CPE: variants seen among roughly 807,000 people sequenced by gnomAD.
The protein encoded by CPE is carbocypeptidase E.
Under a neutral mutation model 53.5 loss-of-function variants are expected in CPE, and 17 were observed. That is an observed-to-expected ratio of 0.32 (90% CI 0.22 to 0.48). CPE has a LOEUF of 0.48. CPE is among the 20% of genes least tolerant of loss of function. The pLI is 0.99. For missense variants in CPE, 524 were observed against 614.7 expected (o/e 0.85, Z 1.56); for synonymous variants, 226 against 228.8 (o/e 0.99, Z 0.11).
At chr4:165,389,765 C>T (rs1279190714) in intron 1 of CPE, among the ~76,000 whole-genome samples, 1 of 152,214 alleles carries the variant, frequency 6.6e-6, no homozygotes, top group Non-Finnish European at 1.5e-5. Context: ...GTCCAAACAT[C>T]TAGTGAAAAT....
At chr4:165,407,394 G>T (rs1175273767) in intron 1 of CPE, among the ~76,000 whole-genome samples, 1 of 151,628 alleles carries the variant, frequency 6.6e-6, no homozygotes, top group Non-Finnish European at 1.5e-5. Context: ...CTTCTTTGGA[G>T]AAACTTCCAT....
chr4:165,490,629 CAAAAAAA>C (rs36034365), intron 6 of CPE, among the ~76,000 whole-genome samples: 5 of 41,010 alleles, frequency 1.2e-4, no homozygotes, highest in African/African-American at 2.6e-4. Context: ...GACTCCGTCT[CAAAAAAA>C]AAAAAAAAAA....
At chr4:165,435,991 C>T (rs936505969) in intron 1 of CPE, among the ~76,000 whole-genome samples, 4 of 152,108 alleles carry the variant, frequency 2.6e-5, no homozygotes, top group African/African-American at 9.7e-5. Context: ...TCTTGGTTCT[C>T]TTCCTACCTC....
rs78373623 is a variant in CPE, at chr4:165,428,753, A to G, written c.308-35637A>G. ...CCTTGACTTGTGGCTACATCACTCC[A>G]ATTTCTGCCTTTGTGGACACATTGT... On this transcript the variant is annotated intron_variant, in intron 1 of 8. Transcript: ENST00000402744. 7.2e-3 allele frequency among the ~76,000 whole-genome samples: 1,093 copies of G among 152,216 alleles called. 18 individuals carry two copies. The highest frequency in any genetic ancestry group is 0.025 in the African/African-American group (1,058 of 41,550).
At chr4:165,384,679 C>T (rs1271095685) in intron 1 of CPE, among the ~76,000 whole-genome samples, 1 of 152,154 alleles carries the variant, frequency 6.6e-6, no homozygotes, top group East Asian at 1.9e-4. Context: ...TGTTACACTT[C>T]CATTAGCCCA....
intron 3 of CPE, among the ~76,000 whole-genome samples, chr4:165,481,313 G>A (rs1732407941): frequency 1.3e-5 from 2 of 152,092 alleles, no homozygotes; most frequent in South Asian, 2.1e-4. Flanking sequence ...GAATGTTGAA[G>A]TGCAGTAAAA....
intron 1 of CPE, among the ~76,000 whole-genome samples, chr4:165,384,536 A>G (rs1446584782): frequency 6.6e-6 from 1 of 152,198 alleles, no homozygotes; most frequent in Non-Finnish European, 1.5e-5. Context: ...AGGGCGCTTG[A>G]GCCCAGGAAT....
At chr4:165,404,014 ACT>A (rs1232259872) in intron 1 of CPE, 1 of 761,902 alleles carries the variant, frequency 1.3e-6, no homozygotes. Flanking sequence ...GAGAACCAGC[ACT>A]GCCGGCAGCT....
intron 3 of CPE, among the ~76,000 whole-genome samples, chr4:165,479,746 C>G (rs142057418): frequency 1.6e-4 from 25 of 152,122 alleles, no homozygotes; most frequent in African/African-American, 6.0e-4. Context: ...TCTCCCAGCA[C>G]TTTGGGAGGC....
chr4:165,483,014 T>TA (rs1732442180), intron 4 of CPE, among the ~76,000 whole-genome samples: 1 of 151,838 alleles, frequency 6.6e-6, no homozygotes, highest in African/African-American at 2.4e-5. Context: ...TTTTTTTTTT[T>TA]AATTTTAGAT....
At chr4:165,447,369 A>C (rs1319915970) in intron 1 of CPE, among the ~76,000 whole-genome samples, 1 of 152,094 alleles carries the variant, frequency 6.6e-6, no homozygotes, top group Non-Finnish European at 1.5e-5. Context: ...TCAGGATTTC[A>C]AGACCAGCCT....
chr4:165,438,973 A>G (rs1021721768), intron 1 of CPE, among the ~76,000 whole-genome samples: 1 of 152,204 alleles, frequency 6.6e-6, no homozygotes, highest in African/African-American at 2.4e-5. Context: ...GATTTGGTGC[A>G]AAGCTTCATA....
chr4:165,473,152 C>A (rs1732238159), intron 3 of CPE, among the ~76,000 whole-genome samples: 1 of 152,160 alleles, frequency 6.6e-6, no homozygotes, highest in Non-Finnish European at 1.5e-5. Flanking sequence ...AAAATAAATT[C>A]TCTTTCACAG....
At chr4:165,445,674 A>T (rs1304864246) in intron 1 of CPE, among the ~76,000 whole-genome samples, 2 of 152,224 alleles carry the variant, frequency 1.3e-5, no homozygotes, top group Non-Finnish European at 2.9e-5. Context: ...TCACAAGAAG[A>T]TGTAAAATCA....
intron 1 of CPE, among the ~76,000 whole-genome samples, chr4:165,391,716 A>G (rs904244560): frequency 2.0e-5 from 3 of 152,152 alleles, no homozygotes; most frequent in African/African-American, 7.2e-5. Context: ...AATAATAACT[A>G]AGTGCCTCCT....
chr4:165,398,564 T>C (rs966791256), intron 1 of CPE, among the ~76,000 whole-genome samples: 3 of 152,232 alleles, frequency 2.0e-5, no homozygotes, highest in Non-Finnish European at 4.4e-5. Flanking sequence ...CTTTTCAAGA[T>C]AGCCCTGATT....
chr4:165,451,829 C>A (rs2126692484), intron 1 of CPE, among the ~76,000 whole-genome samples: 1 of 152,144 alleles, frequency 6.6e-6, no homozygotes, highest in Non-Finnish European at 1.5e-5. Context: ...GAAAAGAAAA[C>A]CGAGGCTAGG....
intron 1 of CPE, among the ~76,000 whole-genome samples, chr4:165,463,558 G>A (rs890006465): frequency 2.0e-4 from 31 of 152,154 alleles, no homozygotes; most frequent in African/African-American, 7.5e-4. Flanking sequence ...CAATCACTAT[G>A]ATTTAGGAAT....
chr4:165,418,768 A>G (rs1019986207), intron 1 of CPE, among the ~76,000 whole-genome samples: 2 of 152,174 alleles, frequency 1.3e-5, no homozygotes, highest in Non-Finnish European at 2.9e-5. Flanking sequence ...TGTACTAAAC[A>G]TTTTTTTCCA....
Sources: gnomAD v4.1 joint callset for allele counts (sites outside exome capture counted in the v4.1 genomes callset) on GRCh38, gnomAD v4.1.1 for gene constraint, MANE v1.5 for transcripts, NCBI Gene and HGNC (gene_info 2026-07-23, HGNC 2026-07-21) for gene names.